The following SHROOM4 variants were observed in gnomAD, a reference collection of about 807,000 sequenced individuals.
The protein encoded by SHROOM4 is protein Shroom4.
SHROOM4 carries 17 observed loss-of-function variants against 80.3 expected under a neutral mutation model. The observed-to-expected ratio is 0.21, with a 90% confidence interval of 0.14 to 0.32. The LOEUF is 0.32. Ranked by LOEUF, SHROOM4 falls within the 10% of genes least tolerant of loss-of-function variation. SHROOM4 has a pLI of 1.00. For missense variants in SHROOM4, 993 were observed against 1,140.3 expected (o/e 0.87, Z 1.86); for synonymous variants, 400 against 437.5 (o/e 0.91, Z 1.07).
intron 1 of SHROOM4, among the ~76,000 whole-genome samples, chrX:50,705,782 C>T (rs1229772064): frequency 2.7e-5 from 3 of 110,541 alleles, no homozygotes; most frequent in African/African-American, 9.9e-5. Context: ...CTTCTGCCCC[C>T]CTACTCCACA....
intron 1 of SHROOM4, among the ~76,000 whole-genome samples, chrX:50,726,369 C>T (rs1397342351): frequency 8.9e-6 from 1 of 112,395 alleles, no homozygotes; most frequent in Non-Finnish European, 1.9e-5. Context: ...AAATTCAAGC[C>T]TGCTATAGAA....
intron 1 of SHROOM4, among the ~76,000 whole-genome samples, chrX:50,800,653 C>A (rs1391504340): frequency 1.8e-5 from 2 of 111,275 alleles, no homozygotes; most frequent in Non-Finnish European, 3.8e-5. Context: ...CAGAATTTCC[C>A]AGGTGGGTTT....
intron 2 of SHROOM4, among the ~76,000 whole-genome samples, chrX:50,670,569 T>C (rs1324173817): frequency 8.9e-6 from 1 of 111,872 alleles, no homozygotes; most frequent in African/African-American, 3.3e-5. Context: ...GCAATAAACA[T>C]ACGTGTACAT....
At chrX:50,726,526 C>G (rs1310690982) in intron 1 of SHROOM4, among the ~76,000 whole-genome samples, 1 of 112,522 alleles carries the variant, frequency 8.9e-6, no homozygotes, top group South Asian at 3.7e-4. Flanking sequence ...GGGCCCAAGG[C>G]CCCACTGCAT....
downstream of SHROOM4, among the ~76,000 whole-genome samples, chrX:50,585,812 T>C (rs1317304083): frequency 2.7e-5 from 3 of 109,424 alleles, no homozygotes; most frequent in Non-Finnish European, 5.7e-5. Context: ...ACTCAGAGAT[T>C]GCTTCAATAA....
At chrX:50,777,881 G>A (rs1935543390) in intron 1 of SHROOM4, among the ~76,000 whole-genome samples, 1 of 112,286 alleles carries the variant, frequency 8.9e-6, no homozygotes, top group Non-Finnish European at 1.9e-5. Flanking sequence ...GATGATGGAT[G>A]TGGAAGTGAT....
intron 1 of SHROOM4, among the ~76,000 whole-genome samples, chrX:50,796,043 G>A (rs1936003801): frequency 8.9e-6 from 1 of 111,792 alleles, no homozygotes; most frequent in Admixed American, 9.5e-5. Flanking sequence ...CAGACCTGAG[G>A]GGTTTGAACT....
At chrX:50,599,493 G>A (rs1184391694) in intron 7 of SHROOM4, among the ~76,000 whole-genome samples, 4 of 111,545 alleles carry the variant, frequency 3.6e-5, no homozygotes, top group Non-Finnish European at 7.5e-5. Flanking sequence ...GTCATAATAA[G>A]GAGTCAATGA....
chrX:50,748,869 T>A (rs782210936), intron 1 of SHROOM4, among the ~76,000 whole-genome samples: 2 of 112,456 alleles, frequency 1.8e-5, no homozygotes, highest in Non-Finnish European at 3.7e-5. Context: ...ACTACAAATG[T>A]ACCTTTTATT....
intron 1 of SHROOM4, among the ~76,000 whole-genome samples, chrX:50,718,624 G>T (rs1347115840): frequency 1.8e-5 from 2 of 111,568 alleles, no homozygotes; most frequent in Admixed American, 9.5e-5. Context: ...TGGTCATCCA[G>T]GAGCCCCAAA....
At chrX:50,711,103 T>C (rs1290823840) in intron 1 of SHROOM4, among the ~76,000 whole-genome samples, 1 of 112,273 alleles carries the variant, frequency 8.9e-6, no homozygotes, top group Non-Finnish European at 1.9e-5. Flanking sequence ...TTACAACAAA[T>C]AGTCATTGTT....
At chrX:50,658,324 G>C (rs1318513902) in intron 2 of SHROOM4, among the ~76,000 whole-genome samples, 2 of 111,246 alleles carry the variant, frequency 1.8e-5, no homozygotes, top group Admixed American at 1.9e-4. Context: ...TAGATACTCT[G>C]GACTCCCTCC....
intron 2 of SHROOM4, among the ~76,000 whole-genome samples, chrX:50,686,270 C>T (rs1414166091): frequency 9.0e-6 from 1 of 110,518 alleles, no homozygotes; most frequent in Non-Finnish European, 1.9e-5. Flanking sequence ...CTCCTGATCT[C>T]GTGATCCGCC....
chrX:50,720,964 A>G (rs1934096440), intron 1 of SHROOM4, among the ~76,000 whole-genome samples: 1 of 112,160 alleles, frequency 8.9e-6, no homozygotes, highest in Non-Finnish European at 1.9e-5. Context: ...AAAGGGTTTC[A>G]TTTCATATGC....
At chrX:50,715,183 C>T (rs782711550) in intron 1 of SHROOM4, among the ~76,000 whole-genome samples, 1 of 111,168 alleles carries the variant, frequency 9.0e-6, no homozygotes, top group South Asian at 3.9e-4. Flanking sequence ...CCTACCCCTT[C>T]CCTGTGAAGC....
At chrX:50,758,707 T>C (rs185579389) in intron 1 of SHROOM4, among the ~76,000 whole-genome samples, 391 of 112,043 alleles carry the variant, frequency 3.5e-3, no homozygotes, top group Middle Eastern at 4.7e-3. Flanking sequence ...GCTTATTTCC[T>C]CTATTTTCTG....
At position 50,619,485 on chromosome X, in the gene SHROOM4, C is replaced by T. The variant is rs181166085; in HGVS notation, c.2957+8129G>A. Among the ~76,000 whole-genome samples, 70 of 90,916 alleles carry T rather than the reference C, an allele frequency of 7.7e-4. 1 individual carries two copies. The highest frequency in any genetic ancestry group is 2.8e-3 in the African/African-American group (66 of 23,245). The allele number at this position is 90,916 out of a possible 115,157, so 78.9% of individuals were successfully genotyped here. On this transcript the variant is annotated intron_variant, in intron 5 of 8. Transcript: ENST00000376020. ...AAGGACCCAGAGAGCCTGTTGCTGC[C>T]ACCCCTGCTTGCCCCCGGGCCCACA...
Position 50,608,007 on chromosome X carries a change from G to T in SHROOM4, c.3135C>A (p.Ser1045=), listed in dbSNP as rs1557249057. The change falls in exon 6 of 9, where the codon TCC becomes TCA. Residue 1045 remains serine (S), a synonymous_variant. Coordinates refer to ENST00000376020, the MANE Select transcript of SHROOM4 (RefSeq NM_020717.5). ...GCAGTGGGTGGGGCATGGAGGCAAG[G>T]GAGCTCCCCTCCTCATAAACTGAAG... ...EETSVYEEGS[S]LASMPHPLRS... 8.3e-7 allele frequency: 1 copy of T among 1,211,923 alleles called. No homozygotes were observed.
intron 1 of SHROOM4, among the ~76,000 whole-genome samples, chrX:50,703,513 C>A (rs782063144): frequency 8.9e-6 from 1 of 111,744 alleles, no homozygotes. Context: ...TGTGTTCCCA[C>A]CCAAATCTCA....
Sources: gnomAD v4.1 joint callset for allele counts (sites outside exome capture counted in the v4.1 genomes callset) on GRCh38, gnomAD v4.1.1 for gene constraint, MANE v1.5 for transcripts, NCBI Gene and HGNC (gene_info 2026-07-23, HGNC 2026-07-21) for gene names.